The following EPM2A variants were observed in gnomAD, a reference collection of about 807,000 sequenced individuals.
EPM2A encodes the protein EPM2A glucan phosphatase, laforin, also known as laforin.
Under a neutral mutation model 26.5 loss-of-function variants are expected in EPM2A, and 21 were observed. That is an observed-to-expected ratio of 0.79 (90% CI 0.56 to 1.14). EPM2A has a LOEUF of 1.14. EPM2A is among the 50% of genes most tolerant of loss of function. EPM2A has a pLI of 0.00. For missense variants in EPM2A, 458 were observed against 440.8 expected (o/e 1.04, Z -0.35); for synonymous variants, 217 against 177.6 (o/e 1.22, Z -1.76).
intron 4 of EPM2A, among the ~76,000 whole-genome samples, chr6:145,391,357 A>ATT (rs1256616656): frequency 6.6e-6 from 1 of 152,138 alleles, no homozygotes; most frequent in East Asian, 1.9e-4. Flanking sequence ...CCATGGAATA[A>ATT]TTGGTGCCAG....
At chr6:145,393,155 T>C (rs2114659456) in intron 4 of EPM2A, among the ~76,000 whole-genome samples, 1 of 152,252 alleles carries the variant, frequency 6.6e-6, no homozygotes, top group East Asian at 1.9e-4. Flanking sequence ...GGCTGGACTC[T>C]AAAAGGCCTC....
chr6:145,478,988 T>C (rs866246350), intron 4 of EPM2A, among the ~76,000 whole-genome samples: 1 of 151,500 alleles, frequency 6.6e-6, no homozygotes, highest in African/African-American at 2.4e-5. Flanking sequence ...TTTCTATATA[T>C]GTTCTACTCT....
At chr6:145,471,779 C>T (rs912275510) in intron 4 of EPM2A, among the ~76,000 whole-genome samples, 3 of 152,050 alleles carry the variant, frequency 2.0e-5, no homozygotes, top group Admixed American at 2.0e-4. Context: ...CCACCTAGGG[C>T]CAAAATGTTC....
chr6:145,635,536 G>C (rs773638906), intron 2 of EPM2A, 50 bp from the exon 3 acceptor site: 2 of 1,587,772 alleles, frequency 1.3e-6, no homozygotes, highest in Admixed American at 3.3e-5. Flanking sequence ...TCTGATTTGA[G>C]GTTTAAGGAG....
At chr6:145,622,278 C>T (rs1775654309), downstream of EPM2A, among the ~76,000 whole-genome samples, 1 of 152,176 alleles carries the variant, frequency 6.6e-6, no homozygotes, top group Non-Finnish European at 1.5e-5. Flanking sequence ...TTCTCTTTTA[C>T]AAGCTAAACC....
chr6:145,668,127 C>T (rs1324343812), intron 2 of EPM2A, among the ~76,000 whole-genome samples: 1 of 148,976 alleles, frequency 6.7e-6, no homozygotes, highest in South Asian at 2.1e-4. Flanking sequence ...AACTAACCTG[C>T]ACAATGTGCA....
intron 2 of EPM2A, among the ~76,000 whole-genome samples, chr6:145,658,854 T>C (rs138367621): frequency 2.7e-4 from 41 of 152,300 alleles, no homozygotes; most frequent in Middle Eastern, 3.4e-3. Flanking sequence ...TTTCCTATTG[T>C]GAAATCTCCA....
intron 2 of EPM2A, among the ~76,000 whole-genome samples, chr6:145,607,470 T>G (rs1026568086): frequency 2.6e-5 from 4 of 152,062 alleles, no homozygotes; most frequent in African/African-American, 9.7e-5. Flanking sequence ...TGACGGCAGA[T>G]GGGAAAAAGC....
rs868711826 is a variant in EPM2A at position 145,703,108 on chromosome 6, T to G, written c.302-16812A>C. On this transcript the variant is annotated intron_variant, in intron 1 of 3. Coordinates refer to ENST00000367519, the MANE Select transcript of EPM2A (RefSeq NM_005670.4). ...AAACATGTTTCTTTTTTTTTTTTTTTTCGAGACGGAGTCTCGCTCTGTTGC... is the reference window on the plus strand; with the variant it reads ...AAACATGTTTCTTTTTTTTTTTTTTGTCGAGACGGAGTCTCGCTCTGTTGC... Among the ~76,000 whole-genome samples the G allele has an allele frequency of 3.6e-3, 172 of 47,942 alleles. 1 individual carries two copies. In the African/African-American group the frequency reaches 0.04, roughly 11 times the overall value. The allele number at this position is 47,942 out of a possible 152,430, so 31.5% of individuals were successfully genotyped here.
intron 2 of EPM2A, among the ~76,000 whole-genome samples, chr6:145,606,144 A>G (rs1439269311): frequency 1.3e-5 from 2 of 152,026 alleles, no homozygotes; most frequent in Non-Finnish European, 2.9e-5. Flanking sequence ...AAACCAGAAA[A>G]GTTTTACTCC....
intron 4 of EPM2A, among the ~76,000 whole-genome samples, chr6:145,470,771 C>G (rs538429529): frequency 6.6e-6 from 1 of 152,252 alleles, no homozygotes; most frequent in South Asian, 2.1e-4. Context: ...TCCTAATTTA[C>G]TAATAGTCTA....
At chr6:145,656,999 T>C (rs550895305) in intron 2 of EPM2A, among the ~76,000 whole-genome samples, 1 of 152,122 alleles carries the variant, frequency 6.6e-6, no homozygotes, top group Admixed American at 6.5e-5. Flanking sequence ...GAATTCGTGT[T>C]AGAGAATTTC....
At chr6:145,619,252 G>C (rs181339711) in intron 2 of EPM2A, among the ~76,000 whole-genome samples, 87 of 152,260 alleles carry the variant, frequency 5.7e-4, no homozygotes, top group African/African-American at 1.9e-3. Context: ...TCAGAAGAAA[G>C]CAGTGGAATG....
intron 2 of EPM2A, among the ~76,000 whole-genome samples, chr6:145,599,742 C>A (rs533743828): frequency 1.8e-4 from 28 of 151,788 alleles, no homozygotes; most frequent in Non-Finnish European, 3.4e-4. Flanking sequence ...AATTAGAGTC[C>A]TTTGAGCATG....
chr6:145,561,561 A>G (rs1379218580), intron 2 of EPM2A, among the ~76,000 whole-genome samples: 1 of 152,140 alleles, frequency 6.6e-6, no homozygotes, highest in Admixed American at 6.6e-5. Context: ...AAGGACACAC[A>G]AATGGTAACT....
At chr6:145,514,649 C>T (rs896079476) in intron 2 of EPM2A, among the ~76,000 whole-genome samples, 2 of 152,000 alleles carry the variant, frequency 1.3e-5, no homozygotes, top group East Asian at 1.9e-4. Context: ...GAAATTTTAC[C>T]CTCCCTCCCC....
At position 145,735,361 on chromosome 6, in the gene EPM2A, C is replaced by G; in HGVS notation, c.138G>C (p.Ala46=). The change falls in exon 1 of 4, where the codon GCG becomes GCC. Residue 46 remains alanine, a synonymous_variant. Transcript: ENST00000367519. ...GCAGGGCCAGGGCCCCGTCGCCCGC[C>G]GCGGTGCCGGCCGGCCTCAGGCGGA... is the stretch of plus-strand genomic sequence containing the variant. The part of the protein sequence containing the change: ...GAVRLRPAGT[A]AGDGALALQE... 9.4e-7 allele frequency: 1 copy of G among 1,062,088 alleles called. No individual in the cohort carries two copies. The allele number at this position is 1,062,088 out of a possible 1,614,324, so 65.8% of individuals were successfully genotyped here. A position where few individuals can be genotyped will look rare whatever the true frequency, so the allele number is the denominator to read the frequency against.
chr6:145,471,083 G>A (rs955462018), intron 4 of EPM2A, among the ~76,000 whole-genome samples: 1 of 151,998 alleles, frequency 6.6e-6, no homozygotes, highest in Non-Finnish European at 1.5e-5. Flanking sequence ...AGTCTTGTTT[G>A]GTATCAAAGT....
intron 2 of EPM2A, among the ~76,000 whole-genome samples, chr6:145,618,629 G>A (rs776824389): frequency 1.8e-4 from 27 of 152,202 alleles, no homozygotes; most frequent in Non-Finnish European, 3.5e-4. Flanking sequence ...GCTATGTGAA[G>A]AAGGTGGTGT....
Sources: gnomAD v4.1 joint callset for allele counts (sites outside exome capture counted in the v4.1 genomes callset) on GRCh38, gnomAD v4.1.1 for gene constraint, MANE v1.5 for transcripts, NCBI Gene and HGNC (gene_info 2026-07-23, HGNC 2026-07-21) for gene names.